The following SLC30A8 variants were observed in gnomAD, a reference collection of about 807,000 sequenced individuals.
SLC30A8 encodes the protein solute carrier family 30 member 8.
Under a neutral mutation model 36.9 loss-of-function variants are expected in SLC30A8, and 27 were observed. The observed-to-expected ratio is 0.73, with a 90% CI of 0.54 to 1.01. The LOEUF (loss-of-function observed/expected upper bound fraction) is 1.01, where lower values mean the gene tolerates loss of function less well. SLC30A8 is among the 50% of genes least tolerant of loss of function. SLC30A8 has a pLI of 0.00. For synonymous variants in SLC30A8, 164 were observed against 172.4 expected (o/e 0.95, Z 0.38); for missense variants, 439 against 452.0 (o/e 0.97, Z 0.26).
At chr8:116,970,292 A>G (rs2130614895) in intron 1 of SLC30A8, among the ~76,000 whole-genome samples, 1 of 152,300 alleles carries the variant, frequency 6.6e-6, no homozygotes, top group East Asian at 1.9e-4. Context: ...CACACATGGA[A>G]CTGTCATTGC....
At chr8:117,146,756 T>C (rs1438927276) in intron 1 of SLC30A8, 198 bp from the exon 2 acceptor site, 1 of 1,327,062 alleles carries the variant, frequency 7.5e-7, no homozygotes, top group Non-Finnish European at 9.9e-7. Flanking sequence ...AGTAAAACTT[T>C]TAGTAGTTGA....
intron 2 of SLC30A8, among the ~76,000 whole-genome samples, chr8:117,094,848 G>A (rs1819290485): frequency 6.6e-6 from 1 of 152,230 alleles, no homozygotes. Context: ...CCCCACCTCA[G>A]CCTCCTTCCC....
chr8:117,060,997 A>G (rs766195237), intron 2 of SLC30A8, among the ~76,000 whole-genome samples: 4 of 152,092 alleles, frequency 2.6e-5, no homozygotes, highest in Admixed American at 6.6e-5. Context: ...CTGAGTCTGT[A>G]AAGAATTAGA....
At chr8:117,060,932 A>G (rs573781999) in intron 2 of SLC30A8, among the ~76,000 whole-genome samples, 5 of 151,970 alleles carry the variant, frequency 3.3e-5, no homozygotes, top group African/African-American at 1.2e-4. Context: ...ATATTTCTCT[A>G]TGCTTGTCTT....
At chr8:117,157,929 T>G (rs1191237350) in intron 4 of SLC30A8, 85 bp downstream of exon 4, 1 of 1,462,154 alleles carries the variant, frequency 6.8e-7, no homozygotes, top group African/African-American at 1.4e-5. Flanking sequence ...AAAAACTCAG[T>G]ACATGTGAAG....
chr8:116,967,848 A>G (rs1412892019), intron 1 of SLC30A8, among the ~76,000 whole-genome samples: 10 of 152,194 alleles, frequency 6.6e-5, no homozygotes, highest in Non-Finnish European at 4.4e-5. Flanking sequence ...TTCTGTTTCA[A>G]GCTGTAATGT....
At chr8:117,157,941 T>C in intron 4 of SLC30A8, 97 bp downstream of exon 4, 1 of 1,327,038 alleles carries the variant, frequency 7.5e-7, no homozygotes. Flanking sequence ...CATGTGAAGA[T>C]GGTAGAGACT....
rs116212799 is a variant in SLC30A8 at position 117,117,924 on chromosome 8, T to C, written c.-225-17356T>C. ...TTGAAAAGGACAATCCAAGTTTTGA[T>C]TACCTCTATCAGAAATAGTGTTCTG... On this transcript the variant is annotated intron_variant, in intron 2 of 10. Coordinates refer to the SLC30A8 transcript ENST00000427715. Among the ~76,000 whole-genome samples, 429 of 152,056 alleles carry C rather than the reference T, an allele frequency of 2.8e-3. 1 individual carries two copies. Among genetic ancestry groups the C allele is most frequent in the African/African-American group, 9.5e-3 (395 of 41,540 alleles).
At chr8:117,106,968 C>T (rs1820021702) in intron 2 of SLC30A8, among the ~76,000 whole-genome samples, 1 of 152,138 alleles carries the variant, frequency 6.6e-6, no homozygotes, top group Admixed American at 6.6e-5. Flanking sequence ...TCAGTATTTT[C>T]TTTGGAGAAA....
At chr8:117,161,706 A>G (rs1822798407) in intron 4 of SLC30A8, 32 bp from the exon 5 acceptor site, 3 of 1,592,484 alleles carry the variant, frequency 1.9e-6, no homozygotes, top group South Asian at 1.1e-5. Context: ...GACTGACCTC[A>G]TGTGTGCTAA....
intron 1 of SLC30A8, among the ~76,000 whole-genome samples, chr8:117,035,775 C>T (rs1817194382): frequency 1.3e-5 from 2 of 152,190 alleles, no homozygotes; most frequent in Non-Finnish European, 2.9e-5. Context: ...TTCCAAACCT[C>T]AGTTCTTGAA....
chr8:117,053,934 C>T (rs1388621521), intron 2 of SLC30A8, among the ~76,000 whole-genome samples: 1 of 152,114 alleles, frequency 6.6e-6, no homozygotes, highest in Non-Finnish European at 1.5e-5. Context: ...TGGAAGTGAG[C>T]ACTCAGTGGT....
At chr8:116,999,290 T>C (rs998253196) in intron 1 of SLC30A8, among the ~76,000 whole-genome samples, 1 of 151,734 alleles carries the variant, frequency 6.6e-6, no homozygotes, top group Non-Finnish European at 1.5e-5. Context: ...GAAACTGACA[T>C]ATGCCTCACA....
At chr8:117,146,285 AAG>A (rs1177673243) in intron 1 of SLC30A8, among the ~76,000 whole-genome samples, 1 of 152,158 alleles carries the variant, frequency 6.6e-6, no homozygotes, top group Non-Finnish European at 1.5e-5. Flanking sequence ...AAAAAGAAAA[AAG>A]GGGTTAGACC....
intron 3 of SLC30A8, among the ~76,000 whole-genome samples, chr8:117,155,551 A>G (rs889113030): frequency 6.6e-6 from 1 of 152,220 alleles, no homozygotes; most frequent in Non-Finnish European, 1.5e-5. Context: ...ATGTACTACA[A>G]ATTGGGTACA....
chr8:117,004,470 C>A (rs1816108487), intron 1 of SLC30A8, among the ~76,000 whole-genome samples: 1 of 152,044 alleles, frequency 6.6e-6, no homozygotes. Context: ...AGTTCTTTGG[C>A]ATGAGTCATC....
At chr8:117,068,405 A>G (rs1431754341) in intron 2 of SLC30A8, among the ~76,000 whole-genome samples, 1 of 152,158 alleles carries the variant, frequency 6.6e-6, no homozygotes, top group Non-Finnish European at 1.5e-5. Context: ...AACAAGGATG[A>G]TTATGACTTT....
chr8:117,025,231 C>T (rs955799425), intron 1 of SLC30A8, among the ~76,000 whole-genome samples: 4 of 151,942 alleles, frequency 2.6e-5, no homozygotes, highest in Non-Finnish European at 1.5e-5. Context: ...CATAAGTTGT[C>T]GATAGGTTTG....
intron 2 of SLC30A8, among the ~76,000 whole-genome samples, chr8:117,084,931 A>G (rs1442551017): frequency 6.6e-6 from 1 of 152,152 alleles, no homozygotes; most frequent in African/African-American, 2.4e-5. Context: ...GACATTATAA[A>G]GGTTTGTATT....
Sources: allele counts gnomAD v4.1 joint callset (sites outside exome capture counted in the v4.1 genomes callset), GRCh38; gene constraint gnomAD v4.1.1; transcripts MANE v1.5; gene names NCBI Gene and HGNC (gene_info 2026-07-23, HGNC 2026-07-21).